GSG1L: variants seen among roughly 807,000 people sequenced by gnomAD.
GSG1L encodes the protein germ cell-specific gene 1-like protein.
In GSG1L, 24 loss-of-function variants were observed where a neutral mutation model predicts 42.1. The ratio of observed to expected loss-of-function variants is 0.57; its 90% confidence interval spans 0.41 to 0.80. The LOEUF (loss-of-function observed/expected upper bound fraction) is 0.80. Among genes scored for constraint, GSG1L ranks in the 30% least tolerant of loss-of-function variants. The pLI is 0.00. For missense variants in GSG1L, 445 were observed against 472.2 expected (o/e 0.94, Z 0.53); for synonymous variants, 215 against 203.5 (o/e 1.06, Z -0.48).
chr16:27,788,185 A>G lies in GSG1L; in HGVS notation c.*3185T>C, dbSNP rs2082713685. On this transcript the variant is annotated 3_prime_UTR_variant, in exon 7 of 7. Transcript: ENST00000447459. ...CCCTGTAACCTGAGAGTCGTCACCA[A>G]CTTTCCTCTTCTCCCACTCAGTCTA... is the stretch of plus-strand genomic sequence containing the variant. The G allele has an allele frequency of 6.6e-6, 1 of 152,022 alleles. No individual in the cohort carries two copies. Among genetic ancestry groups the G allele is most frequent in the South Asian group, 2.1e-4 (1 of 4,806 alleles). 9.4% of individuals were successfully genotyped at this position (152,022 alleles called of 1,614,324 possible). A position where few individuals can be genotyped will look rare whatever the true frequency, so the allele number is the denominator to read the frequency against.
At chr16:28,022,473 C>A (rs2085855349) in intron 1 of GSG1L, among the ~76,000 whole-genome samples, 1 of 145,412 alleles carries the variant, frequency 6.9e-6, no homozygotes, top group South Asian at 2.4e-4. Flanking sequence ...CCACCACAAC[C>A]AGCTAATTTT....
chr16:27,823,359 T>A lies in GSG1L; in HGVS notation c.830+5430A>T, dbSNP rs968624841. 3.9e-5 allele frequency among the ~76,000 whole-genome samples: 6 copies of A among 152,018 alleles called. No individual in the cohort carries two copies. In the East Asian group the frequency reaches 1.2e-3, roughly 29 times the overall value. ...CACAGACGCGCACACACACACATAA[T>A]ACGCCTTTCTTCGACAGCGCTGAAC... On this transcript the variant is annotated intron_variant, in intron 5 of 6. Transcript: ENST00000447459.
intron 2 of GSG1L, among the ~76,000 whole-genome samples, chr16:27,910,206 G>GC (rs1567515188): frequency 6.7e-6 from 1 of 149,026 alleles, no homozygotes; most frequent in African/African-American, 2.5e-5. Context: ...CAGACAATCT[G>GC]CCCCCCTTGG....
chr16:28,061,461 A>C (rs564032211), intron 1 of GSG1L, among the ~76,000 whole-genome samples: 1 of 152,250 alleles, frequency 6.6e-6, no homozygotes, highest in East Asian at 1.9e-4. Context: ...GTCACAGAAA[A>C]GTTTGGTCAG....
rs1314986980 is a variant in GSG1L at position 27,899,466 on chromosome 16, TG to T, written c.398-14829del. 7.2e-5 allele frequency among the ~76,000 whole-genome samples: 11 copies of T among 152,272 alleles called. No homozygotes were observed. The South Asian group carries it at 2.3e-3, about 32-fold the overall frequency. ...GCACAGTGGCTCGTGCCTGTAATCCTGGTATTTTGGGAGGCTGAGGCGGGAG... is the reference window on the plus strand; with the variant it reads ...GCACAGTGGCTCGTGCCTGTAATCCTGTATTTTGGGAGGCTGAGGCGGGAG... On this transcript the variant is annotated intron_variant, in intron 2 of 6. Transcript: ENST00000447459.
At chr16:27,869,220 A>G (rs9972691) in intron 3 of GSG1L, among the ~76,000 whole-genome samples, 51,230 of 149,944 alleles carry the variant, frequency 0.34, 10,255 homozygotes, top group East Asian at 0.51. Context: ...GGTGAGTGGA[A>G]GTTATGGAGG....
chr16:28,053,867 C>A (rs1463597830), intron 1 of GSG1L, among the ~76,000 whole-genome samples: 14 of 152,170 alleles, frequency 9.2e-5, no homozygotes. Context: ...GCACCCAATG[C>A]GGTGCACGTG....
chr16:28,037,757 C>G (rs934994743), intron 1 of GSG1L, among the ~76,000 whole-genome samples: 2 of 152,216 alleles, frequency 1.3e-5, no homozygotes, highest in African/African-American at 4.8e-5. Context: ...CATGGAGTCT[C>G]TCACATGTTG....
intron 5 of GSG1L, among the ~76,000 whole-genome samples, chr16:27,812,445 A>T (rs948631857): frequency 6.6e-6 from 1 of 152,140 alleles, no homozygotes; most frequent in Non-Finnish European, 1.5e-5. Context: ...CAACTACTCA[A>T]CTCTGCCCCT....
intron 1 of GSG1L, among the ~76,000 whole-genome samples, chr16:28,028,971 G>A (rs1020353089): frequency 6.6e-6 from 1 of 152,166 alleles, no homozygotes; most frequent in African/African-American, 2.4e-5. Flanking sequence ...TGTTTTGGAG[G>A]GTGATGCATG....
chr16:27,985,770 T>G (rs907134583), intron 1 of GSG1L, among the ~76,000 whole-genome samples: 3 of 151,910 alleles, frequency 2.0e-5, no homozygotes, highest in African/African-American at 7.3e-5. Flanking sequence ...GAGGCAGAAT[T>G]TGCGGTGAGC....
rs769099207 is a variant in GSG1L at position 27,828,911 on chromosome 16, G to T, written c.708C>A (p.Thr236=). 1 of 1,614,192 alleles carries T rather than the reference G, an allele frequency of 6.2e-7. No homozygotes were observed. Among genetic ancestry groups the T allele is most frequent in the Non-Finnish European group, 8.5e-7 (1 of 1,180,032 alleles). ...SFTCCMAASV[T]TLNSYTKTVI... is the part of the protein sequence containing the mutation. The stretch of plus-strand genomic sequence containing the variant: ...CCGTCTTGGTGTAGGAGTTGAGCGT[G>T]GTGACAGAGGCTGCCATGCAGCAGG... The change falls in exon 5 of 7, where the codon ACC becomes ACA. Residue 236 remains threonine, a synonymous_variant. Coordinates refer to ENST00000447459, the MANE Select transcript of GSG1L (RefSeq NM_001109763.2).
At chr16:27,817,920 C>A (rs1243208275) in intron 5 of GSG1L, among the ~76,000 whole-genome samples, 1 of 152,166 alleles carries the variant, frequency 6.6e-6, no homozygotes, top group East Asian at 1.9e-4. Context: ...CACCTCCTGA[C>A]CCTATGACTG....
intron 3 of GSG1L, among the ~76,000 whole-genome samples, chr16:27,864,550 C>T (rs1043693547): frequency 1.3e-5 from 2 of 152,216 alleles, no homozygotes; most frequent in African/African-American, 2.4e-5. Context: ...TCAAAGGTGG[C>T]TGCTCTCCCC....
intron 6 of GSG1L, among the ~76,000 whole-genome samples, chr16:27,798,404 G>A (rs1198605380): frequency 1.3e-5 from 2 of 152,154 alleles, no homozygotes; most frequent in African/African-American, 2.4e-5. Context: ...AGTGGAGGAA[G>A]GGGGCACAGC....
intron 2 of GSG1L, among the ~76,000 whole-genome samples, chr16:27,911,110 G>A (rs2084382006): frequency 6.6e-6 from 1 of 152,086 alleles, no homozygotes; most frequent in African/African-American, 2.4e-5. Flanking sequence ...TGTAGTTCCT[G>A]CCCACTTCCT....
chr16:27,994,179 T>C (rs1034620907), intron 1 of GSG1L, among the ~76,000 whole-genome samples: 2 of 152,118 alleles, frequency 1.3e-5, no homozygotes, highest in African/African-American at 4.8e-5. Flanking sequence ...TTCTGGTGCA[T>C]TGGCGAGACT....
At chr16:27,881,813 C>T (rs112376235) in intron 3 of GSG1L, among the ~76,000 whole-genome samples, 4 of 152,286 alleles carry the variant, frequency 2.6e-5, no homozygotes, top group African/African-American at 9.6e-5. Context: ...CACTCCCACC[C>T]GCCTCTCCTA....
Position 28,059,385 on chromosome 16 carries a change from C to T in GSG1L, c.349+3691G>A, listed in dbSNP as rs1313176336. Among the ~76,000 whole-genome samples the T allele has an allele frequency of 1.3e-5, 2 of 152,116 alleles. No individual in the cohort carries two copies. Among genetic ancestry groups the T allele is most frequent in the East Asian group, 3.9e-4 (2 of 5,178 alleles). On this transcript the variant is annotated intron_variant, in intron 1 of 6. Coordinates refer to ENST00000447459, the MANE Select transcript of GSG1L (RefSeq NM_001109763.2). This position sits in a 1 kb window ranked among gnomAD's most constrained non-coding sequence, Gnocchi z 4.4. The stretch of plus-strand genomic sequence containing the variant: ...CATGGGTCTTCTGGCTTCACACCCA[C>T]CCCGTCACCACCCAGCCCTGGGACT...
Sources: allele counts gnomAD v4.1 joint callset (sites outside exome capture counted in the v4.1 genomes callset), GRCh38; gene constraint gnomAD v4.1.1; non-coding constraint Gnocchi (gnomAD v3.1); transcripts MANE v1.5; gene names NCBI Gene and HGNC (gene_info 2026-07-23, HGNC 2026-07-21).